The following CDH4 variants were observed in gnomAD, a reference collection of about 807,000 sequenced individuals.
CDH4 encodes the protein cadherin-4.
Under a neutral mutation model 86.0 loss-of-function variants are expected in CDH4, and 33 were observed. That is an observed-to-expected ratio of 0.38 (90% confidence interval 0.29 to 0.51). The LOEUF (loss-of-function observed/expected upper bound fraction) is 0.51, where lower values mean the gene tolerates loss of function less well. Ranked by LOEUF, CDH4 falls within the 20% of genes least tolerant of loss-of-function variation. The pLI is 0.86. For synonymous variants in CDH4, 555 were observed against 549.4 expected (o/e 1.01, Z -0.14); for missense variants, 1,114 against 1,307.4 (o/e 0.85, Z 2.28).
At chr20:61,259,438 C>T (rs2084117531) in intron 2 of CDH4, among the ~76,000 whole-genome samples, 1 of 152,188 alleles carries the variant, frequency 6.6e-6, no homozygotes, top group African/African-American at 2.4e-5. Flanking sequence ...CCCTGCATAG[C>T]CGATGTCCAG....
intron 2 of CDH4, among the ~76,000 whole-genome samples, chr20:61,444,162 A>G (rs2085329930): frequency 6.8e-6 from 1 of 147,118 alleles, no homozygotes; most frequent in South Asian, 2.2e-4. Context: ...GTCTGTATCT[A>G]TGTGTGTGTG....
chr20:61,507,672 T>C (rs1236073769), intron 2 of CDH4, among the ~76,000 whole-genome samples: 1 of 152,136 alleles, frequency 6.6e-6, no homozygotes, highest in Non-Finnish European at 1.5e-5. Flanking sequence ...TGAGCAACCG[T>C]CACAGCCAAG....
intron 6 of CDH4, among the ~76,000 whole-genome samples, chr20:61,856,599 C>T (rs1247382663): frequency 8.7e-6 from 1 of 114,728 alleles, no homozygotes; most frequent in Non-Finnish European, 2.0e-5. Flanking sequence ...CCCCTAGAAT[C>T]CATGAGGGTC....
At chr20:61,291,549 T>C (rs2084320935) in intron 2 of CDH4, among the ~76,000 whole-genome samples, 1 of 152,108 alleles carries the variant, frequency 6.6e-6, no homozygotes, top group Admixed American at 6.5e-5. Context: ...TAGGGTGAAA[T>C]AGCTAAGAAT....
intron 4 of CDH4, among the ~76,000 whole-genome samples, chr20:61,804,393 C>T (rs1240756800): frequency 6.6e-6 from 1 of 152,182 alleles, no homozygotes; most frequent in East Asian, 1.9e-4. Flanking sequence ...GCTGTCTGAC[C>T]ACCCCTCTCC....
intron 2 of CDH4, among the ~76,000 whole-genome samples, chr20:61,686,551 G>A (rs2087578520): frequency 1.3e-5 from 2 of 151,836 alleles, no homozygotes; most frequent in African/African-American, 4.8e-5. Context: ...GTGCATTCGC[G>A]TGTATGTGCA....
At chr20:61,575,753 A>G (rs1183796083) in intron 2 of CDH4, among the ~76,000 whole-genome samples, 1 of 152,242 alleles carries the variant, frequency 6.6e-6, no homozygotes, top group African/African-American at 2.4e-5. Flanking sequence ...TGAGAGATTT[A>G]TTATCTGGCC....
At chr20:61,255,193 A>C (rs367565008) in intron 2 of CDH4, among the ~76,000 whole-genome samples, 39 of 152,366 alleles carry the variant, frequency 2.6e-4, no homozygotes, top group African/African-American at 9.4e-4. Flanking sequence ...AACATCACCC[A>C]AATAGTGTGC....
chr20:61,720,611 A>G (rs5021368), intron 2 of CDH4, among the ~76,000 whole-genome samples: 498 of 42,552 alleles, frequency 0.012, 2 homozygotes, highest in African/African-American at 0.07. Flanking sequence ...GGGGTGCAGC[A>G]TGCAGGGGTG....
chr20:61,564,857 C>T (rs540096903), intron 2 of CDH4, among the ~76,000 whole-genome samples: 21 of 152,188 alleles, frequency 1.4e-4, no homozygotes, highest in East Asian at 3.9e-4. Context: ...GCGAGGTCCC[C>T]GGGGGAGATG....
chr20:61,800,363 T>G (rs1173234833), intron 4 of CDH4, among the ~76,000 whole-genome samples: 1 of 152,166 alleles, frequency 6.6e-6, no homozygotes, highest in Non-Finnish European at 1.5e-5. Flanking sequence ...GCACTCCCTT[T>G]AGACTACGCC....
chr20:61,619,464 C>T (rs1381000707), intron 2 of CDH4, among the ~76,000 whole-genome samples: 1 of 152,148 alleles, frequency 6.6e-6, no homozygotes, highest in African/African-American at 2.4e-5. Context: ...TACCTAAAAG[C>T]AAAATGATGA....
At position 61,651,784 on chromosome 20, in the gene CDH4, T is replaced by G. The variant is rs533037612; in HGVS notation, c.170-91779T>G. ...TTTTAGTATCTTTCTCAGGATTCTC[T>G]CTGTCTTAATGTTAAACACAATTGT... is the stretch of plus-strand genomic sequence containing the variant. On this transcript the variant is annotated intron_variant, in intron 2 of 15. Coordinates refer to ENST00000614565, the MANE Select transcript of CDH4 (RefSeq NM_001794.5). 4.6e-5 allele frequency among the ~76,000 whole-genome samples: 7 copies of G among 152,364 alleles called. No individual in the cohort carries two copies. The East Asian group carries it at 1.2e-3, about 25-fold the overall frequency.
chr20:61,555,488 C>T (rs556239381), intron 2 of CDH4, among the ~76,000 whole-genome samples: 56 of 152,302 alleles, frequency 3.7e-4, no homozygotes, highest in Non-Finnish European at 7.1e-4. Context: ...CTCCCAGTGC[C>T]TCCCTCACTC....
At chr20:61,363,556 A>G (rs2084795870) in intron 2 of CDH4, among the ~76,000 whole-genome samples, 1 of 152,184 alleles carries the variant, frequency 6.6e-6, no homozygotes, top group African/African-American at 2.4e-5. Flanking sequence ...AATAAGGGGG[A>G]TCTGGCCAAG....
chr20:61,452,517 G>T (rs999255315), intron 2 of CDH4, among the ~76,000 whole-genome samples: 39 of 152,312 alleles, frequency 2.6e-4, no homozygotes, highest in Non-Finnish European at 3.5e-4. Context: ...TCTGGGGCAG[G>T]CTTGGTAAAT....
intron 2 of CDH4, among the ~76,000 whole-genome samples, chr20:61,728,868 G>A (rs1247508892): frequency 1.3e-5 from 2 of 152,298 alleles, no homozygotes; most frequent in African/African-American, 2.4e-5. Flanking sequence ...AGCCTTGAAT[G>A]AGAGAGCAAA....
chr20:61,351,035 G>A (rs557664783), intron 2 of CDH4, among the ~76,000 whole-genome samples: 2 of 152,228 alleles, frequency 1.3e-5, no homozygotes, highest in East Asian at 1.9e-4. Context: ...TGGGGTGGCA[G>A]CTGTGGTGGG....
At chr20:61,685,119 C>G (rs964882012) in intron 2 of CDH4, among the ~76,000 whole-genome samples, 1 of 152,184 alleles carries the variant, frequency 6.6e-6, no homozygotes, top group Non-Finnish European at 1.5e-5. Flanking sequence ...CACAAATACA[C>G]CTTCTGTCTT....
Sources: allele counts gnomAD v4.1 joint callset (sites outside exome capture counted in the v4.1 genomes callset), GRCh38; gene constraint gnomAD v4.1.1; transcripts MANE v1.5; gene names NCBI Gene and HGNC (gene_info 2026-07-23, HGNC 2026-07-21).